LARP1B: variants seen among roughly 807,000 people sequenced by gnomAD.
LARP1B encodes the protein la-related protein 1B.
Under a neutral mutation model 114.2 loss-of-function variants are expected in LARP1B, and 76 were observed. The ratio of observed to expected loss-of-function variants is 0.67; its 90% CI spans 0.55 to 0.81. LARP1B has a LOEUF of 0.81. Among genes scored for constraint, LARP1B ranks in the 30% least tolerant of loss-of-function variants. LARP1B has a pLI of 0.00. For missense variants in LARP1B, 1,014 were observed against 1,075.8 expected (o/e 0.94, Z 0.80); for synonymous variants, 345 against 348.0 (o/e 0.99, Z 0.10).
chr4:128,195,356 T>C (rs577547881), intron 15 of LARP1B, among the ~76,000 whole-genome samples: 1 of 152,244 alleles, frequency 6.6e-6, no homozygotes, highest in East Asian at 1.9e-4. Flanking sequence ...TTGTTCCATC[T>C]TTTGAAAACT....
At chr4:128,072,700 G>T (rs759988933) in intron 1 of LARP1B, among the ~76,000 whole-genome samples, 14 of 152,060 alleles carry the variant, frequency 9.2e-5, no homozygotes, top group African/African-American at 3.4e-4. Context: ...GGGATTACAG[G>T]CATGCGCCAC....
intron 1 of LARP1B, among the ~76,000 whole-genome samples, chr4:128,064,747 C>G (rs1022608837): frequency 2.0e-5 from 3 of 151,996 alleles, no homozygotes; most frequent in Non-Finnish European, 4.4e-5. Flanking sequence ...TTTAAAACTT[C>G]GAAGCCATAC....
intron 11 of LARP1B, among the ~76,000 whole-genome samples, chr4:128,151,159 A>G (rs1732618741): frequency 1.3e-5 from 2 of 152,208 alleles, no homozygotes; most frequent in Non-Finnish European, 2.9e-5. Flanking sequence ...TTCTATGTAT[A>G]AATATATAGG....
chr4:128,091,019 A>C lies in LARP1B; in HGVS notation c.377A>C (p.Glu126Ala), dbSNP rs1306820847. 3 of 1,610,748 alleles carry C rather than the reference A, an allele frequency of 1.9e-6. No homozygotes were observed. Among genetic ancestry groups the C allele is most frequent in the Admixed American group, 1.7e-5 (1 of 59,896 alleles). Residue 126 changes from glutamate (E) to alanine (A), a missense_variant, in exon 6 of 20, where the codon GAA becomes GCA. By Grantham distance (107) the Glu-to-Ala change is moderately radical. Transcript: ENST00000326639. Reference sequence around the variant, plus strand: ...TTAAAAGGTTGGAAGCGAGATAGAGAAAAAAGGGATGATCAAGATGACGTT... The same window carrying C: ...TTAAAAGGTTGGAAGCGAGATAGAGCAAAAAGGGATGATCAAGATGACGTT... ...NDTRSWKRDR[E>A]KRDDQDDVSS... is the part of the protein sequence containing the mutation.
chr4:128,130,745 A>G (rs1791298563), intron 11 of LARP1B, among the ~76,000 whole-genome samples: 1 of 152,250 alleles, frequency 6.6e-6, no homozygotes. Flanking sequence ...ATAGCAGCTT[A>G]TCCATAAATT....
chr4:128,197,727 A>AT (rs983331219), intron 15 of LARP1B, among the ~76,000 whole-genome samples: 9 of 151,326 alleles, frequency 5.9e-5, no homozygotes, highest in Admixed American at 2.0e-4. Context: ...AAAAAAACCT[A>AT]TTTTTTTTCA....
chr4:128,208,258 G>A (rs1758104696), intron 19 of LARP1B, among the ~76,000 whole-genome samples: 1 of 151,350 alleles, frequency 6.6e-6, no homozygotes. Context: ...AACCTGGGAG[G>A]TGGAGGTTGC....
chr4:128,075,313 C>T (rs577723322), intron 3 of LARP1B, among the ~76,000 whole-genome samples: 1 of 152,150 alleles, frequency 6.6e-6, no homozygotes, highest in Non-Finnish European at 1.5e-5. Flanking sequence ...GTCTCCAACT[C>T]CTGAGCTCAA....
At chr4:128,105,141 G>A (rs996091189) in intron 8 of LARP1B, among the ~76,000 whole-genome samples, 1 of 151,620 alleles carries the variant, frequency 6.6e-6, no homozygotes, top group Admixed American at 6.6e-5. Flanking sequence ...GATGTTCACT[G>A]TGAGTTTTGA....
chr4:128,098,747 G>GTGTATATATATATA lies in LARP1B; in HGVS notation c.813+418_813+419insGTATATATATATAT. 6.2e-3 allele frequency among the ~76,000 whole-genome samples: 96 copies of GTGTATATATATATA among 15,556 alleles called. 5 individuals carry two copies. The highest frequency in any genetic ancestry group is 0.017 in the African/African-American group (88 of 5,142). 10.2% of individuals were successfully genotyped at this position (15,556 alleles called of 152,430 possible). A position where few individuals can be genotyped will look rare whatever the true frequency, so the allele number is the denominator to read the frequency against. On this transcript the variant is annotated intron_variant, in intron 8 of 19. Transcript: ENST00000326639. ...AGCATGTGTTCCTGTATATGTATGTGTATATATATATATATATATATTTTT... is the reference window on the plus strand; with the variant it reads ...AGCATGTGTTCCTGTATATGTATGTGTGTATATATATATATATATATATATATATATATATTTTT...
At chr4:128,179,648 G>A in intron 15 of LARP1B, 136 bp downstream of exon 15, 1 of 507,414 alleles carries the variant, frequency 2.0e-6, no homozygotes, top group Non-Finnish European at 3.4e-6. Flanking sequence ...GTACAAAGAA[G>A]CCAAAGAAGA....
At chr4:128,107,732 T>G (rs1393057675) in intron 9 of LARP1B, 1 of 1,468,212 alleles carries the variant, frequency 6.8e-7, no homozygotes, top group East Asian at 2.5e-5. Flanking sequence ...CTTGGAAAGA[T>G]AAAATGACCT....
rs181750258 is a variant in LARP1B at position 128,167,199 on chromosome 4, G to A, written c.1648+4882G>A. Reference sequence around the variant, plus strand: ...GAGTGCAGATAGATATCTTTCTATGGTGATGATTTCATTTCCTTTGGGTAT... The same window carrying A: ...GAGTGCAGATAGATATCTTTCTATGATGATGATTTCATTTCCTTTGGGTAT... On this transcript the variant is annotated intron_variant, in intron 12 of 19. Coordinates refer to ENST00000326639, the MANE Select transcript of LARP1B (RefSeq NM_018078.4). Among the ~76,000 whole-genome samples, 456 of 151,854 alleles carry A rather than the reference G, an allele frequency of 3.0e-3. 4 individuals carry two copies. Among genetic ancestry groups the A allele is most frequent in the African/African-American group, 0.011 (438 of 41,448 alleles).
At chr4:128,160,532 G>C (rs972194545) in intron 11 of LARP1B, among the ~76,000 whole-genome samples, 1 of 152,174 alleles carries the variant, frequency 6.6e-6, no homozygotes, top group African/African-American at 2.4e-5. Flanking sequence ...TTGTGTGTGT[G>C]TGTGTGTGTA....
rs775255050 is a variant in LARP1B, at chr4:128,209,935, C to G, written c.2627C>G (p.Pro876Arg). 2.5e-6 allele frequency: 4 copies of G among 1,613,846 alleles called. No homozygotes were observed. In the Admixed American group the frequency reaches 6.7e-5, roughly 27 times the overall value. ...GAGAGTAATCGTCATAGACTTCCACCTAATTCCTCTACAAAGCCACCAAAT... is the reference window on the plus strand; with the variant it reads ...GAGAGTAATCGTCATAGACTTCCACGTAATTCCTCTACAAAGCCACCAAAT... ...GEESNRHRLP[P>R]NSSTKPPNAA... Residue 876 changes from proline (P) to arginine (R), a missense_variant, in exon 20 of 20, where the codon CCT becomes CGT. By Grantham distance (103) the Pro-to-Arg change is moderately radical. Coordinates refer to ENST00000326639, the MANE Select transcript of LARP1B (RefSeq NM_018078.4).
chr4:128,103,103 A>C (rs569491502), intron 8 of LARP1B, among the ~76,000 whole-genome samples: 1 of 152,308 alleles, frequency 6.6e-6, no homozygotes, highest in South Asian at 2.1e-4. Context: ...TTAAAACCTC[A>C]GATACTGGAA....
chr4:128,096,134 C>A (rs1015198899), intron 7 of LARP1B, among the ~76,000 whole-genome samples: 1 of 151,992 alleles, frequency 6.6e-6, no homozygotes, highest in East Asian at 1.9e-4. Flanking sequence ...GCTGGCACTA[C>A]AGGCGCCCGC....
chr4:128,216,834 C>A (rs1019158452), downstream of LARP1B, among the ~76,000 whole-genome samples: 3 of 151,970 alleles, frequency 2.0e-5, no homozygotes, highest in African/African-American at 7.3e-5. Flanking sequence ...AAAAACCCTT[C>A]AAAAAATCAG....
intron 9 of LARP1B, among the ~76,000 whole-genome samples, chr4:128,112,176 C>T (rs1315271916): frequency 6.6e-6 from 1 of 151,920 alleles, no homozygotes. Context: ...TACAGAGCAC[C>T]ACTGTCCAAT....
Sources: gnomAD v4.1 joint callset for allele counts (sites outside exome capture counted in the v4.1 genomes callset) on GRCh38, gnomAD v4.1.1 for gene constraint, MANE v1.5 for transcripts, NCBI Gene and HGNC (gene_info 2026-07-23, HGNC 2026-07-21) for gene names.